The following FHL2 variants were observed in gnomAD, a reference collection of about 807,000 sequenced individuals.
The protein encoded by FHL2 is four and a half LIM domains 2.
In FHL2, 20 loss-of-function variants were observed where a neutral mutation model predicts 32.7. The ratio of observed to expected loss-of-function variants is 0.61; its 90% CI spans 0.43 to 0.89. The LOEUF (loss-of-function observed/expected upper bound fraction) is 0.89, where lower values mean the gene tolerates loss of function less well. Ranked by LOEUF, FHL2 falls within the 40% of genes least tolerant of loss-of-function variation. The probability of loss-of-function intolerance (pLI) is 0.00; values close to 1 mark genes in which losing one functional copy is unlikely to be tolerated. For missense variants in FHL2, 311 were observed against 358.6 expected, an observed-to-expected ratio of 0.87 and a Z score of 1.07; for synonymous variants, 123 against 128.1, an observed-to-expected ratio of 0.96 and a Z score of 0.27.
intron 1 of FHL2, among the ~76,000 whole-genome samples, chr2:105,421,160 A>G (rs1348186896): frequency 6.6e-6 from 1 of 152,230 alleles, no homozygotes; most frequent in East Asian, 1.9e-4. Flanking sequence ...TCCAATGGGA[A>G]GAAAGTGAAC....
At chr2:105,408,761 ATT>A (rs1204508960) in intron 1 of FHL2, among the ~76,000 whole-genome samples, 2 of 152,156 alleles carry the variant, frequency 1.3e-5, no homozygotes, top group African/African-American at 4.8e-5. Context: ...TGTTCATCTT[ATT>A]TATTAGCATA....
At chr2:105,398,417 T>C (rs977421255) in intron 1 of FHL2, among the ~76,000 whole-genome samples, 2 of 152,186 alleles carry the variant, frequency 1.3e-5, no homozygotes, top group Admixed American at 6.5e-5. Context: ...TAAAGGGAAA[T>C]GGCCCGGACT....
intron 1 of FHL2, among the ~76,000 whole-genome samples, chr2:105,413,517 G>T (rs1222837964): frequency 1.3e-5 from 2 of 151,596 alleles, no homozygotes; most frequent in Non-Finnish European, 2.9e-5. Flanking sequence ...AGGGTTACCC[G>T]GGCTGGAGTA....
intron 1 of FHL2, among the ~76,000 whole-genome samples, chr2:105,420,072 T>A (rs1441480310): frequency 6.6e-6 from 1 of 152,198 alleles, no homozygotes; most frequent in Non-Finnish European, 1.5e-5. Flanking sequence ...ATTGTGTTAG[T>A]CTGCCAGGGC....
intron 3 of FHL2, among the ~76,000 whole-genome samples, chr2:105,381,041 C>A (rs1681851541): frequency 2.0e-5 from 3 of 152,084 alleles, no homozygotes; most frequent in Non-Finnish European, 4.4e-5. Context: ...CCCTGGACCC[C>A]TCAGTTAATG....
At chr2:105,363,262 A>T (rs555828631) in intron 6 of FHL2, 23 bp downstream of exon 6, 55 of 1,611,860 alleles carry the variant, frequency 3.4e-5, no homozygotes, top group Non-Finnish European at 4.5e-5. Flanking sequence ...CGCCCCTGGA[A>T]ATGGGAACCC....
downstream of FHL2, chr2:105,359,067 C>G (rs995977589): frequency 2.0e-5 from 3 of 152,188 alleles, no homozygotes; most frequent in African/African-American, 7.2e-5. Flanking sequence ...TGTCTACTGC[C>G]CTCCAATATC....
intron 1 of FHL2, among the ~76,000 whole-genome samples, chr2:105,418,549 A>C (rs1243573004): frequency 6.6e-6 from 1 of 152,226 alleles, no homozygotes; most frequent in Non-Finnish European, 1.5e-5. Context: ...AGTTGAGCTG[A>C]TTTAGTGAGC....
chr2:105,403,021 T>C (rs1223591234), upstream of FHL2, among the ~76,000 whole-genome samples: 1 of 152,224 alleles, frequency 6.6e-6, no homozygotes, highest in Non-Finnish European at 1.5e-5. Context: ...ACTACAAAAC[T>C]TCCCTAACCC....
At chr2:105,363,870 G>C (rs1680453605) in intron 5 of FHL2, among the ~76,000 whole-genome samples, 1 of 152,184 alleles carries the variant, frequency 6.6e-6, no homozygotes, top group South Asian at 2.1e-4. Context: ...CCTGTGGCTG[G>C]GAGCAGGTCA....
chr2:105,392,753 AAGG>A (rs1426371706), intron 2 of FHL2, among the ~76,000 whole-genome samples: 1 of 150,764 alleles, frequency 6.6e-6, no homozygotes, highest in African/African-American at 2.4e-5. Flanking sequence ...CAAAAAAAGG[AAGG>A]AGGAGGGTAA....
intron 1 of FHL2, among the ~76,000 whole-genome samples, chr2:105,435,112 C>T (rs1684567854): frequency 6.6e-6 from 1 of 152,020 alleles, no homozygotes; most frequent in South Asian, 2.1e-4. Flanking sequence ...TTTTTCAGTT[C>T]ATATATTATG....
upstream of FHL2, chr2:105,399,234 AG>A (rs1240816668): frequency 6.5e-7 from 1 of 1,534,392 alleles, no homozygotes; most frequent in South Asian, 1.2e-5. Context: ...TTTGTTTGCC[AG>A]GGCTCCTTTC....
At chr2:105,403,943 G>A (rs898796536), upstream of FHL2, among the ~76,000 whole-genome samples, 9 of 152,198 alleles carry the variant, frequency 5.9e-5, no homozygotes, top group Admixed American at 5.9e-4. Flanking sequence ...CTCTGGGAGA[G>A]GCCAAAGAAA....
chr2:105,429,210 C>A (rs550273822), intron 1 of FHL2, among the ~76,000 whole-genome samples: 273 of 152,282 alleles, frequency 1.8e-3, no homozygotes, highest in Non-Finnish European at 3.3e-3. Flanking sequence ...ATATGATGGT[C>A]AAGAAATCGG....
At chr2:105,379,554 G>A (rs913421349) in intron 3 of FHL2, among the ~76,000 whole-genome samples, 1 of 152,176 alleles carries the variant, frequency 6.6e-6, no homozygotes, top group Non-Finnish European at 1.5e-5. Context: ...CAGATTCAAT[G>A]TAACGACACC....
At chr2:105,422,862 C>G (rs895830600) in intron 1 of FHL2, among the ~76,000 whole-genome samples, 1 of 152,134 alleles carries the variant, frequency 6.6e-6, no homozygotes, top group Non-Finnish European at 1.5e-5. Context: ...CACTGTTTTT[C>G]GTTCTGACAG....
upstream of FHL2, among the ~76,000 whole-genome samples, chr2:105,401,572 C>T (rs745926681): frequency 3.9e-5 from 6 of 152,024 alleles, no homozygotes; most frequent in South Asian, 6.2e-4. Context: ...CTGTGTAAAA[C>T]GATAGACACA....
chr2:105,361,045 G>A lies in FHL2; in HGVS notation c.*238C>T, dbSNP rs992268924. ...TTTTACATTTGGGTGTGCCTTACTCGATTACAAAAATTTCAAACCATCTTC... is the reference window on the plus strand; with the variant it reads ...TTTTACATTTGGGTGTGCCTTACTCAATTACAAAAATTTCAAACCATCTTC... On this transcript the variant is annotated 3_prime_UTR_variant, in exon 7 of 7. Coordinates refer to ENST00000530340, the MANE Select transcript of FHL2 (RefSeq NM_001318895.3). 1.2e-4 allele frequency: 46 copies of A among 393,070 alleles called. No homozygotes were observed. The highest frequency in any genetic ancestry group is 8.2e-4 in the African/African-American group (40 of 48,816). The allele number at this position is 393,070 out of a possible 1,614,324, so 24.3% of individuals were successfully genotyped here. A position where few individuals can be genotyped will look rare whatever the true frequency, so the allele number is the denominator to read the frequency against.
Sources: gnomAD v4.1 joint callset for allele counts (sites outside exome capture counted in the v4.1 genomes callset) on GRCh38, gnomAD v4.1.1 for gene constraint, MANE v1.5 for transcripts, NCBI Gene and HGNC (gene_info 2026-07-23, HGNC 2026-07-21) for gene names.